The following ZNF567 variants were observed in gnomAD, a reference collection of about 807,000 sequenced individuals.
The protein encoded by ZNF567 is zinc finger protein 567.
A neutral mutation model predicts 53.9 loss-of-function variants in ZNF567; 36 were observed. The ratio of observed to expected loss-of-function variants is 0.67; its 90% CI spans 0.51 to 0.88. The LOEUF is 0.88. ZNF567 is among the 40% of genes least tolerant of loss of function. ZNF567 has a pLI of 0.00. For missense variants in ZNF567, 619 were observed against 764.7 expected, an observed-to-expected ratio of 0.81 and a Z score of 2.25; for synonymous variants, 224 against 260.4, an observed-to-expected ratio of 0.86 and a Z score of 1.35.
At chr19:36,716,112 T>C (rs2040053279) in intron 5 of ZNF567, among the ~76,000 whole-genome samples, 1 of 142,328 alleles carries the variant, frequency 7.0e-6, no homozygotes, top group African/African-American at 2.5e-5. Flanking sequence ...AGTTTTTCCC[T>C]TTTTTTTTAT....
rs915336517 is a variant in ZNF567 at position 36,689,616 on chromosome 19, G to A, written c.-67+119G>A. The A allele has an allele frequency of 2.0e-5, 3 of 152,236 alleles. 1 individual carries two copies. Among genetic ancestry groups the A allele is most frequent in the Admixed American group, 1.3e-4 (2 of 15,290 alleles). The allele number at this position is 152,236 out of a possible 1,614,324, so 9.4% of individuals were successfully genotyped here. ...CCCCAGTGCTTCCTCTGGGCATTCA[G>A]TGGCCCACCGACTCTGGTGGGTGGG... On this transcript the variant is annotated intron_variant, in intron 2 of 5. Coordinates refer to ENST00000682579, the MANE Select transcript of ZNF567 (RefSeq NM_001322917.1).
At chr19:36,688,009 G>A (rs1364600714) in intron 1 of ZNF567, among the ~76,000 whole-genome samples, 1 of 152,098 alleles carries the variant, frequency 6.6e-6, no homozygotes, top group Non-Finnish European at 1.5e-5. Context: ...TTGTGGTAGG[G>A]GAATGTGTTA....
the ZNF567 span, among the ~76,000 whole-genome samples, chr19:36,682,084 C>T: frequency 3.3e-5 from 5 of 151,910 alleles, no homozygotes; most frequent in African/African-American, 7.2e-5. Context: ...AAGATCAGCC[C>T]GGGGAACATA....
At chr19:36,713,827 C>T (rs1389318862) in intron 5 of ZNF567, among the ~76,000 whole-genome samples, 1 of 152,138 alleles carries the variant, frequency 6.6e-6, no homozygotes, top group East Asian at 1.9e-4. Flanking sequence ...CCCAGCGACT[C>T]AGGAGGCTGA....
intron 3 of ZNF567, among the ~76,000 whole-genome samples, chr19:36,696,064 C>T (rs1053695305): frequency 7.9e-5 from 12 of 152,222 alleles, no homozygotes; most frequent in African/African-American, 2.9e-4. Flanking sequence ...CTTCCAATAA[C>T]ACCTTCTTAG....
Position 36,691,579 on chromosome 19 carries a change from T to G in ZNF567, c.-67+2082T>G, listed in dbSNP as rs562480500. 2.0e-5 allele frequency among the ~76,000 whole-genome samples: 3 copies of G among 152,356 alleles called. No individual in the cohort carries two copies. In the East Asian group the frequency reaches 5.8e-4, roughly 29 times the overall value. On this transcript the variant is annotated intron_variant, in intron 2 of 5. Transcript: ENST00000682579. ...TATAAGCAAATGTATATATTTGGAT[T>G]TTTTTAAACTCATGTCACCACCATC...
chr19:36,714,123 T>C (rs3108575), intron 5 of ZNF567, among the ~76,000 whole-genome samples: 102,044 of 151,888 alleles, frequency 0.67, 34,619 homozygotes, highest in East Asian at 0.82. Context: ...TGATAAGTTT[T>C]GTCAGGAAAG....
At chr19:36,710,487 C>T (rs1365368748) in intron 3 of ZNF567, among the ~76,000 whole-genome samples, 1 of 152,038 alleles carries the variant, frequency 6.6e-6, no homozygotes, top group East Asian at 1.9e-4. Context: ...TTATGTTCTT[C>T]TGAGAATTAT....
At chr19:36,727,071 A>T (rs1347385523), downstream of ZNF567, 5 of 98,358 alleles carry the variant, frequency 5.1e-5, no homozygotes, top group African/African-American at 1.9e-4. Flanking sequence ...TTATTTATTT[A>T]TTTATTTATT....
At position 36,689,236 on chromosome 19, in the gene ZNF567, A is replaced by AGTGTGTGTGT. The variant is rs59984347; in HGVS notation, c.-167-132_-167-123dup. On this transcript the variant is annotated intron_variant, in intron 1 of 5. Coordinates refer to ENST00000682579, the MANE Select transcript of ZNF567 (RefSeq NM_001322917.1). ...GCCACTCTCAAAATTCCTATTTGAG[A>AGTGTGTGTGT]GTGTGTGTGTGTGTGTGTGTGTGTG... 3.6e-3 allele frequency among the ~76,000 whole-genome samples: 505 copies of AGTGTGTGTGT among 138,956 alleles called. 6 individuals carry two copies. The highest frequency in any genetic ancestry group is 0.013 in the African/African-American group (465 of 36,864). The allele number at this position is 138,956 out of a possible 152,430, so 91.2% of individuals were successfully genotyped here.
At chr19:36,679,728 G>A in the ZNF567 span, among the ~76,000 whole-genome samples, 4 of 152,126 alleles carry the variant, frequency 2.6e-5, no homozygotes, top group Non-Finnish European at 5.9e-5. Flanking sequence ...GCCAGACACA[G>A]AGAGACAAAT....
chr19:36,711,441 G>A (rs909836563), intron 3 of ZNF567: 3 of 152,206 alleles, frequency 2.0e-5, no homozygotes, highest in East Asian at 1.9e-4. Flanking sequence ...AAAATTAGCA[G>A]TTCTTGTACA....
upstream of ZNF567, chr19:36,686,359 C>T (rs1817653485): frequency 6.6e-6 from 1 of 152,138 alleles, no homozygotes; most frequent in African/African-American, 2.4e-5. Context: ...TTCTTGGAAC[C>T]CAGATTGGCT....
the ZNF567 span, among the ~76,000 whole-genome samples, chr19:36,673,751 A>G: frequency 0.67 from 102,074 of 151,894 alleles, 34,629 homozygotes; most frequent in East Asian, 0.82. Context: ...GAACCTTAAT[A>G]TACTATCCTA....
intron 3 of ZNF567, chr19:36,711,276 A>T (rs2039773276): frequency 6.6e-6 from 1 of 152,178 alleles, no homozygotes; most frequent in Non-Finnish European, 1.5e-5. Flanking sequence ...TTGCCATGTT[A>T]GCTGGGCTGG....
intron 3 of ZNF567, among the ~76,000 whole-genome samples, chr19:36,707,968 T>C (rs966494334): frequency 6.6e-6 from 1 of 152,136 alleles, no homozygotes; most frequent in Non-Finnish European, 1.5e-5. Flanking sequence ...CAATCAGAGC[T>C]CACTGCAGCC....
the ZNF567 span, among the ~76,000 whole-genome samples, chr19:36,680,109 G>A: frequency 5.3e-5 from 8 of 151,816 alleles, no homozygotes; most frequent in Non-Finnish European, 1.2e-4. Flanking sequence ...TACAATTATT[G>A]TACAAATATA....
chr19:36,684,494 A>G (rs1004542522), upstream of ZNF567, among the ~76,000 whole-genome samples: 2 of 152,170 alleles, frequency 1.3e-5, no homozygotes, highest in South Asian at 4.1e-4. Context: ...AACTTTCTTC[A>G]TAGACATTCC....
chr19:36,703,050 G>A (rs2039292581), intron 3 of ZNF567, among the ~76,000 whole-genome samples: 1 of 152,068 alleles, frequency 6.6e-6, no homozygotes, highest in Non-Finnish European at 1.5e-5. Context: ...CCCCATCTTT[G>A]TGGTTTTATC....
Sources: gnomAD v4.1 joint callset for allele counts (sites outside exome capture counted in the v4.1 genomes callset) on GRCh38, gnomAD v4.1.1 for gene constraint, MANE v1.5 for transcripts, NCBI Gene and HGNC (gene_info 2026-07-23, HGNC 2026-07-21) for gene names.